The following IMPG1 variants were observed in gnomAD, a reference collection of about 807,000 sequenced individuals.
IMPG1 encodes the protein interphotoreceptor matrix proteoglycan 1, also known as interphotoreceptor matrix proteoglycan of 150 kDa.
IMPG1 carries 85 observed loss-of-function variants against 92.0 expected under a neutral mutation model. The ratio of observed to expected loss-of-function variants is 0.92; its 90% CI spans 0.78 to 1.11. IMPG1 has a LOEUF of 1.11. Among genes scored for constraint, IMPG1 ranks in the 50% least tolerant of loss-of-function variants. The pLI, the probability that IMPG1 is intolerant of heterozygous loss-of-function variation, is 0.00. For missense variants in IMPG1, 1,022 were observed against 956.0 expected, an observed-to-expected ratio of 1.07 and a Z score of -0.91; for synonymous variants, 367 against 334.1, an observed-to-expected ratio of 1.10 and a Z score of -1.08.
chr6:75,974,006 A>G (rs1043942696), intron 12 of IMPG1, among the ~76,000 whole-genome samples: 27 of 152,346 alleles, frequency 1.8e-4, no homozygotes, highest in African/African-American at 6.0e-4. Context: ...TTGAAGAACC[A>G]CAAGCTGTGA....
intron 7 of IMPG1, among the ~76,000 whole-genome samples, chr6:76,015,121 T>C (rs1487372242): frequency 1.3e-5 from 2 of 152,224 alleles, no homozygotes; most frequent in Non-Finnish European, 2.9e-5. Context: ...TGAGTTTTCA[T>C]GAAGGTTTGC....
At chr6:76,055,623 G>A (rs72891801) in intron 1 of IMPG1, among the ~76,000 whole-genome samples, 6,725 of 151,690 alleles carry the variant, frequency 0.044, 184 homozygotes, top group Admixed American at 0.077. Flanking sequence ...AACTTTTTTG[G>A]AAAATACTGA....
At chr6:76,041,757 A>G in intron 2 of IMPG1, 136 bp downstream of exon 2, 1 of 636,660 alleles carries the variant, frequency 1.6e-6, no homozygotes, top group Non-Finnish European at 2.8e-6. Flanking sequence ...CTATCAGATT[A>G]TCACTAGGTT....
intron 14 of IMPG1, among the ~76,000 whole-genome samples, chr6:75,941,184 A>G (rs777764971): frequency 2.8e-4 from 42 of 152,174 alleles, no homozygotes; most frequent in Non-Finnish European, 3.5e-4. Context: ...TAATCCATAA[A>G]TGTTCACTGC....
chr6:76,056,773 G>T (rs1422967546), intron 1 of IMPG1, among the ~76,000 whole-genome samples: 1 of 152,098 alleles, frequency 6.6e-6, no homozygotes, highest in African/African-American at 2.4e-5. Flanking sequence ...TTCCCGTGAT[G>T]ATTAGAGCAC....
At chr6:75,983,025 G>T (rs1782654722) in intron 12 of IMPG1, among the ~76,000 whole-genome samples, 1 of 152,062 alleles carries the variant, frequency 6.6e-6, no homozygotes, top group Non-Finnish European at 1.5e-5. Flanking sequence ...TAAAAAGATA[G>T]AGTGAAATTG....
chr6:76,002,851 G>A, intron 12 of IMPG1, 67 bp downstream of exon 12: 2 of 1,210,446 alleles, frequency 1.7e-6, no homozygotes, highest in Non-Finnish European at 2.5e-6. Flanking sequence ...CTTTGAGGCA[G>A]TATCATAATG....
chr6:76,018,305 T>G (rs1374493575), intron 7 of IMPG1, among the ~76,000 whole-genome samples: 1 of 152,252 alleles, frequency 6.6e-6, no homozygotes, highest in Non-Finnish European at 1.5e-5. Context: ...TATGTGAATG[T>G]GGTCTCTCTC....
At chr6:75,998,199 T>C (rs1037381528) in intron 12 of IMPG1, among the ~76,000 whole-genome samples, 1 of 152,232 alleles carries the variant, frequency 6.6e-6, no homozygotes, top group Non-Finnish European at 1.5e-5. Flanking sequence ...AAAAGGGAAC[T>C]AGATTATTCC....
At chr6:76,042,641 T>C (rs908776404) in intron 1 of IMPG1, among the ~76,000 whole-genome samples, 5 of 152,088 alleles carry the variant, frequency 3.3e-5, no homozygotes, top group African/African-American at 4.8e-5. Context: ...GCAATCTGGC[T>C]GAGAGTGGAT....
intron 14 of IMPG1, among the ~76,000 whole-genome samples, chr6:75,934,763 C>T (rs1393001757): frequency 5.3e-5 from 8 of 152,106 alleles, no homozygotes. Context: ...TCCTTTTTCT[C>T]CAACTCAAGA....
In IMPG1 at chr6:75,947,825, A is replaced by G. The variant is rs186176864; in HGVS notation, c.1825-292T>C. On this transcript the variant is annotated intron_variant, in intron 13 of 16. Transcript: ENST00000369950. ...ATTTTTAAAAACCTGAGCCAATGCT[A>G]TTAGCAAAGCAGGAATGCCAAGTTC... Among the ~76,000 whole-genome samples, 471 of 151,600 alleles carry G rather than the reference A, an allele frequency of 3.1e-3. 1 individual carries two copies. The highest frequency in any genetic ancestry group is 0.011 in the African/African-American group (451 of 41,308).
At chr6:75,932,352 G>C (rs1032274631) in intron 14 of IMPG1, among the ~76,000 whole-genome samples, 1 of 152,146 alleles carries the variant, frequency 6.6e-6, no homozygotes. Context: ...ATTTATAACA[G>C]TAATTTGTAG....
chr6:75,921,893 G>A lies in IMPG1; in HGVS notation c.*196C>T, dbSNP rs1781436882. 3 of 419,560 alleles carry A rather than the reference G, an allele frequency of 7.2e-6. No individual in the cohort carries two copies. The South Asian group carries it at 1.1e-4, about 16-fold the overall frequency. The allele number at this position is 419,560 out of a possible 1,614,324, so 26.0% of individuals were successfully genotyped here. Reference sequence around the variant, plus strand: ...CATTTGGGGTTTTAATAATAAGTAAGTGTCTTTTTCTTCAGAATTTACTGG... The same window carrying A: ...CATTTGGGGTTTTAATAATAAGTAAATGTCTTTTTCTTCAGAATTTACTGG... On this transcript the variant is annotated 3_prime_UTR_variant, in exon 17 of 17. Transcript: ENST00000369950.
chr6:76,035,455 C>T lies in IMPG1; in HGVS notation c.302-668G>A, dbSNP rs566246569. Among the ~76,000 whole-genome samples, 363 of 144,738 alleles carry T rather than the reference C, an allele frequency of 2.5e-3. 1 individual carries two copies. Among genetic ancestry groups the T allele is most frequent in the African/African-American group, 8.6e-3 (335 of 38,824 alleles). 95.0% of individuals were successfully genotyped at this position (144,738 alleles called of 152,430 possible). A position where few individuals can be genotyped will look rare whatever the true frequency, so the allele number is the denominator to read the frequency against. On this transcript the variant is annotated intron_variant, in intron 2 of 16. Coordinates refer to ENST00000369950, the MANE Select transcript of IMPG1 (RefSeq NM_001563.4). ...CGGAGGTTGCGGTGAGCCGAGATCG[C>T]GCCATTGCACTCCAGCCTGGGCAAC... is the stretch of plus-strand genomic sequence containing the variant.
At chr6:76,023,285 C>G (rs930099910) in intron 5 of IMPG1, among the ~76,000 whole-genome samples, 3 of 152,164 alleles carry the variant, frequency 2.0e-5, no homozygotes, top group African/African-American at 7.2e-5. Context: ...GTGTTCTGTG[C>G]TCTGGACTTC....
chr6:76,017,248 A>G (rs1783307034), intron 7 of IMPG1, among the ~76,000 whole-genome samples: 1 of 151,974 alleles, frequency 6.6e-6, no homozygotes, highest in Non-Finnish European at 1.5e-5. Context: ...TGCCACACTC[A>G]GCATAGTAGC....
chr6:76,003,025 T>G (rs1388188560), intron 11 of IMPG1, 29 bp from the exon 12 acceptor site: 1 of 1,534,556 alleles, frequency 6.5e-7, no homozygotes, highest in Non-Finnish European at 9.0e-7. Flanking sequence ...AAGACAGATG[T>G]TGAGAAAGGA....
intron 12 of IMPG1, among the ~76,000 whole-genome samples, chr6:75,955,914 G>A (rs896372832): frequency 1.6e-4 from 25 of 152,150 alleles, no homozygotes; most frequent in Admixed American, 3.9e-4. Flanking sequence ...ATTGATTTGC[G>A]TATGTTGAAC....
Sources: gnomAD v4.1 joint callset for allele counts (sites outside exome capture counted in the v4.1 genomes callset) on GRCh38, gnomAD v4.1.1 for gene constraint, MANE v1.5 for transcripts, NCBI Gene and HGNC (gene_info 2026-07-23, HGNC 2026-07-21) for gene names.